The following NEDD4 variants were observed in gnomAD, a reference collection of about 807,000 sequenced individuals.
NEDD4 encodes the protein E3 ubiquitin-protein ligase NEDD4.
Under a neutral mutation model 144.9 loss-of-function variants are expected in NEDD4, and 99 were observed. That is an observed-to-expected ratio of 0.68 (90% CI 0.58 to 0.81). The LOEUF is 0.81. NEDD4 is among the 30% of genes least tolerant of loss of function. The probability of loss-of-function intolerance (pLI) is 0.00; values close to 1 mark genes in which losing one functional copy is unlikely to be tolerated. For synonymous variants in NEDD4, 318 were observed against 350.6 expected (o/e 0.91, Z 1.04); for missense variants, 985 against 1,065.9 (o/e 0.92, Z 1.06).
chr15:55,917,104 C>G (rs1307114238), intron 5 of NEDD4: 8 of 1,175,964 alleles, frequency 6.8e-6, no homozygotes, highest in African/African-American at 4.7e-5. Context: ...TGATTTCCAG[C>G]GACCTTTAAG....
chr15:55,937,239 CG>C (rs2036911660), intron 4 of NEDD4, among the ~76,000 whole-genome samples: 1 of 152,072 alleles, frequency 6.6e-6, no homozygotes, highest in Admixed American at 6.6e-5. Context: ...TCCATTTGGC[CG>C]AATGCCCAAG....
chr15:55,916,617 G>A (rs377587799), intron 5 of NEDD4: 19 of 1,613,926 alleles, frequency 1.2e-5, no homozygotes, highest in African/African-American at 6.7e-5. Flanking sequence ...GGGAACAGAT[G>A]ATCTTTCTTG....
intron 2 of NEDD4, among the ~76,000 whole-genome samples, chr15:55,956,816 T>C (rs1227677659): frequency 7.2e-5 from 11 of 152,198 alleles, no homozygotes; most frequent in African/African-American, 2.4e-4. Flanking sequence ...AATATTGAAA[T>C]CAGCTTATCA....
Position 55,951,532 on chromosome 15 carries a change from C to T in NEDD4, c.177G>A (p.Val59=). ...YDPMNGVLTS[V]QTKTIKKSLN... ...TAACCTTTTTAATGGTTTTTGTTTG[C>T]ACACTTGTAAGAACTCCATTCATTG... Residue 59 remains valine, a synonymous_variant, in exon 3 of 29, where the codon GTG becomes GTA. Transcript: ENST00000435532. 1 of 1,529,732 alleles carries T rather than the reference C, an allele frequency of 6.5e-7. No homozygotes were observed. The highest frequency in any genetic ancestry group is 8.8e-7 in the Non-Finnish European group (1 of 1,139,958). 94.8% of individuals were successfully genotyped at this position (1,529,732 alleles called of 1,614,324 possible). A position where few individuals can be genotyped will look rare whatever the true frequency, so the allele number is the denominator to read the frequency against.
chr15:55,937,929 A>T (rs780386429), intron 4 of NEDD4, among the ~76,000 whole-genome samples: 14 of 152,246 alleles, frequency 9.2e-5, no homozygotes, highest in Non-Finnish European at 2.1e-4. Context: ...AAGCTACAGT[A>T]ATTAAAACAG....
chr15:55,873,155 C>G (rs1422444542), intron 6 of NEDD4, among the ~76,000 whole-genome samples: 1 of 152,066 alleles, frequency 6.6e-6, no homozygotes, highest in Non-Finnish European at 1.5e-5. Flanking sequence ...TGTCTGTCTT[C>G]TCTTTCTTTT....
chr15:55,879,386 A>G (rs977686509), intron 5 of NEDD4, among the ~76,000 whole-genome samples: 3 of 152,192 alleles, frequency 2.0e-5, no homozygotes, highest in Non-Finnish European at 4.4e-5. Flanking sequence ...AAGCAACCCA[A>G]TGAGACAGAC....
chr15:55,945,012 G>T lies in NEDD4; in HGVS notation c.237+6364C>A, dbSNP rs144204491. The stretch of plus-strand genomic sequence containing the variant: ...CACCAAAACCCCATCTGTATGTCAC[G>T]AACGTCAAAGATGAAAGGTAGATAA... On this transcript the variant is annotated intron_variant, in intron 4 of 28. Transcript: ENST00000435532. 3.0e-3 allele frequency among the ~76,000 whole-genome samples: 450 copies of T among 152,156 alleles called. 3 individuals carry two copies. The highest frequency in any genetic ancestry group is 0.01 in the African/African-American group (426 of 41,504).
At chr15:55,945,991 G>A (rs1194121284) in intron 4 of NEDD4, among the ~76,000 whole-genome samples, 1 of 152,146 alleles carries the variant, frequency 6.6e-6, no homozygotes, top group Non-Finnish European at 1.5e-5. Flanking sequence ...CCTTACAAGA[G>A]CTCATGAAGG....
At chr15:55,928,856 C>T (rs2036726120) in intron 4 of NEDD4, among the ~76,000 whole-genome samples, 1 of 152,058 alleles carries the variant, frequency 6.6e-6, no homozygotes. Context: ...TTTTGTATTT[C>T]AGAAGCATAT....
chr15:55,957,496 T>C (rs541270536), intron 2 of NEDD4, among the ~76,000 whole-genome samples: 7 of 152,322 alleles, frequency 4.6e-5, no homozygotes, highest in African/African-American at 1.7e-4. Context: ...GTGTCTATTA[T>C]GAATGGGTGT....
At chr15:55,938,783 A>C (rs2036940319) in intron 4 of NEDD4, among the ~76,000 whole-genome samples, 1 of 151,998 alleles carries the variant, frequency 6.6e-6, no homozygotes, top group Non-Finnish European at 1.5e-5. Flanking sequence ...TAAAAAAAAA[A>C]CAAGCATCAA....
At chr15:55,840,296 T>C in intron 21 of NEDD4, 151 bp downstream of exon 21, 1 of 728,450 alleles carries the variant, frequency 1.4e-6, no homozygotes, top group Non-Finnish European at 2.2e-6. Flanking sequence ...TGTTAGAAAA[T>C]TTTCATAATA....
At position 55,829,969 on chromosome 15, in the gene NEDD4, T is replaced by C. The variant is rs759537479; in HGVS notation, c.2631A>G (p.Glu877=). 1.9e-6 allele frequency: 3 copies of C among 1,613,416 alleles called. No individual in the cohort carries two copies. The African/African-American group carries it at 4.0e-5, about 22-fold the overall frequency. Residue 877 remains glutamate, a synonymous_variant, in exon 29 of 29, where the codon GAA becomes GAG. Transcript: ENST00000435532. ...CFNRLDLPPY[E]SFEELWDKLQ... ...GTTTATCCCATAATTCTTCAAATGA[T>C]TCATAAGGTGGCAAGTCCAGGCGAT...
chr15:55,862,488 G>A (rs1377305224), intron 9 of NEDD4, among the ~76,000 whole-genome samples: 2 of 152,058 alleles, frequency 1.3e-5, no homozygotes, highest in African/African-American at 4.8e-5. Context: ...CGCGTTTAAC[G>A]TAATACCCTT....
At chr15:55,924,059 T>C (rs767401981) in intron 5 of NEDD4, among the ~76,000 whole-genome samples, 2 of 152,196 alleles carry the variant, frequency 1.3e-5, no homozygotes, top group Non-Finnish European at 2.9e-5. Flanking sequence ...AGAGAGTCTT[T>C]AGGAATTCAG....
intron 12 of NEDD4, among the ~76,000 whole-genome samples, chr15:55,853,372 T>C (rs2034069604): frequency 6.6e-6 from 1 of 152,190 alleles, no homozygotes; most frequent in Admixed American, 6.5e-5. Flanking sequence ...ACTTCCCACC[T>C]GAATTTCAAT....
chr15:55,920,765 G>T (rs74015339), intron 5 of NEDD4, among the ~76,000 whole-genome samples: 2,925 of 152,240 alleles, frequency 0.019, 106 homozygotes, highest in African/African-American at 0.067. Flanking sequence ...AATGACACAG[G>T]TCATTTGTTG....
rs7162435 is a variant in NEDD4 at position 55,829,136 on chromosome 15, T to C, written c.*761A>G. ...AAGTGATGACTATACCAATGGTCAA[T>C]AGGATATGCAGGCAAGAGAAAGGCT... On this transcript the variant is annotated 3_prime_UTR_variant, in exon 29 of 29. Coordinates refer to ENST00000435532, the MANE Select transcript of NEDD4 (RefSeq NM_006154.4). 0.34 allele frequency: 51,754 copies of C among 152,422 alleles called. 8,982 individuals carry two copies. Among genetic ancestry groups the C allele is most frequent in the South Asian group, 0.43 (2,056 of 4,822 alleles). 9.4% of individuals were successfully genotyped at this position (152,422 alleles called of 1,614,324 possible).
Sources: gnomAD v4.1 joint callset for allele counts (sites outside exome capture counted in the v4.1 genomes callset) on GRCh38, gnomAD v4.1.1 for gene constraint, MANE v1.5 for transcripts, NCBI Gene and HGNC (gene_info 2026-07-23, HGNC 2026-07-21) for gene names.